Variants in ADGRL3 observed in about 807,000 individuals in gnomAD.
ADGRL3 encodes the protein calcium-independent alpha-latrotoxin receptor 3.
In ADGRL3, 62 loss-of-function variants were observed where a neutral mutation model predicts 153.5. That is an observed-to-expected ratio of 0.40 (90% confidence interval 0.33 to 0.50). The LOEUF is 0.50. Among genes scored for constraint, ADGRL3 ranks in the 20% least tolerant of loss-of-function variants. ADGRL3 has a pLI of 0.47. For synonymous variants in ADGRL3, 710 were observed against 672.5 expected (o/e 1.06, Z -0.86); for missense variants, 1,641 against 1,859.4 (o/e 0.88, Z 2.16).
At chr4:61,290,573 G>A (rs1473270138) in intron 1 of ADGRL3, among the ~76,000 whole-genome samples, 1 of 151,832 alleles carries the variant, frequency 6.6e-6, no homozygotes, top group Non-Finnish European at 1.5e-5. Flanking sequence ...GAGCCCAGGA[G>A]GTTGAGGCTG....
At chr4:61,835,244 G>T (rs1479223319) in intron 9 of ADGRL3, among the ~76,000 whole-genome samples, 2 of 149,630 alleles carry the variant, frequency 1.3e-5, no homozygotes, top group Non-Finnish European at 3.0e-5. Context: ...CGAGTTCTGC[G>T]GCTCCTCCTC....
intron 3 of ADGRL3, among the ~76,000 whole-genome samples, chr4:61,509,715 C>T (rs928420817): frequency 6.6e-6 from 1 of 151,988 alleles, no homozygotes; most frequent in Non-Finnish European, 1.5e-5. Context: ...ATAAATAGTG[C>T]TGCAATGTAT....
chr4:61,807,077 G>T (rs1580921807), intron 8 of ADGRL3, among the ~76,000 whole-genome samples: 2 of 152,064 alleles, frequency 1.3e-5, no homozygotes, highest in East Asian at 3.9e-4. Flanking sequence ...CTTTCCTTTA[G>T]CAAATGGATT....
intron 19 of ADGRL3, among the ~76,000 whole-genome samples, chr4:61,984,668 A>G (rs2099079450): frequency 6.6e-6 from 1 of 152,116 alleles, no homozygotes; most frequent in South Asian, 2.1e-4. Flanking sequence ...AAACCATTTG[A>G]CCTCTGCAAC....
At chr4:61,277,316 T>G (rs2149905475) in intron 1 of ADGRL3, among the ~76,000 whole-genome samples, 1 of 152,274 alleles carries the variant, frequency 6.6e-6, no homozygotes, top group South Asian at 2.1e-4. Context: ...GTGCATAGAT[T>G]AGTTCAGTAA....
intron 17 of ADGRL3, among the ~76,000 whole-genome samples, chr4:61,975,258 A>T (rs1221413272): frequency 6.6e-6 from 1 of 152,170 alleles, no homozygotes; most frequent in Non-Finnish European, 1.5e-5. Context: ...ACGATGACTC[A>T]GAAAAAACCC....
intron 8 of ADGRL3, among the ~76,000 whole-genome samples, chr4:61,737,918 A>AT (rs1463736031): frequency 6.6e-6 from 1 of 150,490 alleles, no homozygotes; most frequent in Non-Finnish European, 1.5e-5. Context: ...TTATCATTCC[A>AT]TTTTTTCTTT....
intron 1 of ADGRL3, among the ~76,000 whole-genome samples, chr4:61,350,390 A>G (rs914713592): frequency 6.7e-6 from 1 of 148,932 alleles, no homozygotes; most frequent in Non-Finnish European, 1.5e-5. Context: ...CATCTTGATA[A>G]TAACTGTCTT....
intron 9 of ADGRL3, among the ~76,000 whole-genome samples, chr4:61,873,956 T>C (rs6846033): frequency 0.19 from 29,481 of 152,036 alleles, 3,026 homozygotes; most frequent in African/African-American, 0.23. Context: ...GTTAGTACCA[T>C]GTTTGAGAAC....
intron 8 of ADGRL3, among the ~76,000 whole-genome samples, chr4:61,804,121 GT>G (rs2097529399): frequency 6.6e-6 from 1 of 152,074 alleles, no homozygotes; most frequent in South Asian, 2.1e-4. Context: ...AAAGAATTAG[GT>G]GGTAAAATTC....
rs531432361 is a variant in ADGRL3 at position 61,937,296 on chromosome 4, C to A, written c.2419+1251C>A. The stretch of plus-strand genomic sequence containing the variant: ...TCCACTTCCTTCCTGCCTCATTTGC[C>A]ACACCTCACATTTGTCTTCAGCATG... On this transcript the variant is annotated intron_variant, in intron 15 of 26. Transcript: ENST00000683033. Among the ~76,000 whole-genome samples, 123 of 152,222 alleles carry A rather than the reference C, an allele frequency of 8.1e-4. 1 individual carries two copies. Among genetic ancestry groups the A allele is most frequent in the African/African-American group, 2.8e-3 (117 of 41,542 alleles).
intron 8 of ADGRL3, among the ~76,000 whole-genome samples, chr4:61,751,150 A>G (rs2152060370): frequency 6.6e-6 from 1 of 152,312 alleles, no homozygotes; most frequent in South Asian, 2.1e-4. Context: ...TGATGATCTG[A>G]GATGAAACAG....
At chr4:61,748,357 T>G (rs911957970) in intron 8 of ADGRL3, among the ~76,000 whole-genome samples, 1 of 151,974 alleles carries the variant, frequency 6.6e-6, no homozygotes, top group Non-Finnish European at 1.5e-5. Context: ...GGAAAAAAAC[T>G]ACTTTAAAGT....
chr4:61,346,430 G>T (rs1006277906), intron 1 of ADGRL3, among the ~76,000 whole-genome samples: 17 of 151,756 alleles, frequency 1.1e-4, no homozygotes, highest in African/African-American at 4.1e-4. Flanking sequence ...TGAGATTTCA[G>T]TAATCTTAAC....
At chr4:61,276,679 T>A (rs777211173) in intron 1 of ADGRL3, among the ~76,000 whole-genome samples, 5 of 152,162 alleles carry the variant, frequency 3.3e-5, no homozygotes, top group Non-Finnish European at 7.4e-5. Flanking sequence ...TTTTCTTGTT[T>A]AGACAGTCTT....
At chr4:61,298,553 C>T (rs769397091) in intron 1 of ADGRL3, among the ~76,000 whole-genome samples, 3 of 152,162 alleles carry the variant, frequency 2.0e-5, no homozygotes, top group Non-Finnish European at 4.4e-5. Flanking sequence ...ATTTATCATT[C>T]ACATTCTCTG....
chr4:61,470,868 A>T (rs2097942772), intron 2 of ADGRL3, among the ~76,000 whole-genome samples: 1 of 151,962 alleles, frequency 6.6e-6, no homozygotes, highest in Admixed American at 6.6e-5. Flanking sequence ...TAAATTCATG[A>T]TGTACCTCTT....
chr4:61,964,385 G>C (rs2098998702), intron 17 of ADGRL3, among the ~76,000 whole-genome samples: 3 of 152,148 alleles, frequency 2.0e-5, no homozygotes, highest in South Asian at 4.1e-4. Flanking sequence ...AACTCTCAAG[G>C]CACAAACACA....
rs577290155 is a variant in ADGRL3 at position 61,435,260 on chromosome 4, T to A, written c.-174+52071T>A. ...GGTCCCTGAAATTAAAAGTGAATAA[T>A]TGACATTGCCATTCATAAAAATTTT... On this transcript the variant is annotated intron_variant, in intron 2 of 26. Coordinates refer to ENST00000683033, the MANE Select transcript of ADGRL3 (RefSeq NM_001387552.1). 2.0e-5 allele frequency among the ~76,000 whole-genome samples: 3 copies of A among 152,216 alleles called. No homozygotes were observed. The East Asian group carries it at 5.8e-4, about 29-fold the overall frequency.
Sources: allele counts gnomAD v4.1 joint callset (sites outside exome capture counted in the v4.1 genomes callset), GRCh38; gene constraint gnomAD v4.1.1; transcripts MANE v1.5; gene names NCBI Gene and HGNC (gene_info 2026-07-23, HGNC 2026-07-21).